Variants in HTR4 observed in about 807,000 individuals in gnomAD.
The protein encoded by HTR4 is 5-hydroxytryptamine receptor 4.
A neutral mutation model predicts 36.8 loss-of-function variants in HTR4; 16 were observed. The observed-to-expected ratio is 0.43, with a 90% CI of 0.29 to 0.66. HTR4 has a LOEUF of 0.66. Among genes scored for constraint, HTR4 ranks in the 30% least tolerant of loss-of-function variants. The pLI is 0.13. For synonymous variants in HTR4, 189 were observed against 185.1 expected (o/e 1.02, Z -0.17); for missense variants, 438 against 490.9 (o/e 0.89, Z 1.02).
At chr5:148,565,669 C>T (rs1343737411) in intron 2 of HTR4, among the ~76,000 whole-genome samples, 3 of 152,140 alleles carry the variant, frequency 2.0e-5, no homozygotes, top group East Asian at 1.9e-4. Context: ...CACCTACACG[C>T]CCTGCCATGC....
intron 4 of HTR4, 97 bp from the exon 5 acceptor site, chr5:148,523,443 G>C: frequency 3.1e-6 from 3 of 963,936 alleles, no homozygotes; most frequent in Non-Finnish European, 4.4e-6. Context: ...GAGGAAGAGG[G>C]GATGGAGCAA....
intron 1 of HTR4, among the ~76,000 whole-genome samples, chr5:148,641,632 T>C (rs1278360411): frequency 2.6e-5 from 4 of 152,210 alleles, no homozygotes; most frequent in Non-Finnish European, 5.9e-5. Flanking sequence ...TCAGATTCCC[T>C]TGAGCTTCTT....
At chr5:148,479,700 TAACTAAC>T (rs1755814281), downstream of HTR4, among the ~76,000 whole-genome samples, 4 of 152,144 alleles carry the variant, frequency 2.6e-5, no homozygotes, top group South Asian at 8.3e-4. Flanking sequence ...ATCATAGCTA[TAACTAAC>T]AATCTCATAA....
In HTR4 at chr5:148,616,566, C is replaced by T. The variant is rs577411125; in HGVS notation, c.26+20423G>A. Among the ~76,000 whole-genome samples the T allele has an allele frequency of 1.2e-4, 19 of 152,270 alleles. No individual in the cohort carries two copies. In the South Asian group the frequency reaches 3.5e-3, roughly 28 times the overall value. The stretch of plus-strand genomic sequence containing the variant: ...TGCTGTGATAATATAATATTATTGA[C>T]TCTAAGAAGTCTGCTTTATTTTGTT... On this transcript the variant is annotated intron_variant, in intron 2 of 6. Transcript: ENST00000377888.
intron 2 of HTR4, among the ~76,000 whole-genome samples, chr5:148,598,295 A>C (rs1761857380): frequency 6.6e-6 from 1 of 152,202 alleles, no homozygotes; most frequent in Non-Finnish European, 1.5e-5. Context: ...CTGTAATCAC[A>C]GTACTTCAGG....
chr5:148,455,618 T>A (rs928695819), intron 5 of HTR4, among the ~76,000 whole-genome samples: 9 of 152,072 alleles, frequency 5.9e-5, no homozygotes, highest in Middle Eastern at 3.2e-3. Context: ...GATGGGCACG[T>A]TTTCCAGTTA....
At chr5:148,523,992 C>T (rs112127510) in intron 4 of HTR4, among the ~76,000 whole-genome samples, 22 of 144,246 alleles carry the variant, frequency 1.5e-4, no homozygotes, top group African/African-American at 4.6e-4. Flanking sequence ...GCTCTAAGTC[C>T]GTGTTTTTTT....
At chr5:148,640,378 C>A (rs529390347) in intron 1 of HTR4, among the ~76,000 whole-genome samples, 1 of 152,294 alleles carries the variant, frequency 6.6e-6, no homozygotes, top group South Asian at 2.1e-4. Context: ...TTCCTGGCAA[C>A]AAGAATCCCT....
intron 4 of HTR4, among the ~76,000 whole-genome samples, chr5:148,524,392 G>A (rs528901031): frequency 1.3e-5 from 2 of 152,276 alleles, no homozygotes; most frequent in African/African-American, 4.8e-5. Flanking sequence ...TCTACTGGAT[G>A]AGACCACCCC....
intron 2 of HTR4, among the ~76,000 whole-genome samples, chr5:148,573,093 C>T (rs558112656): frequency 2.0e-5 from 3 of 152,174 alleles, no homozygotes; most frequent in African/African-American, 7.2e-5. Context: ...AATCTCTGAA[C>T]ACTGTCATGC....
chr5:148,632,172 C>T (rs144582657), intron 2 of HTR4, among the ~76,000 whole-genome samples: 45 of 152,100 alleles, frequency 3.0e-4, no homozygotes, highest in Admixed American at 7.2e-4. Context: ...CAAGACGAAG[C>T]GATTAAAAGG....
intron 6 of HTR4, chr5:148,490,597 C>T: frequency 8.6e-7 from 1 of 1,164,006 alleles, no homozygotes; most frequent in Non-Finnish European, 1.1e-6. Flanking sequence ...TCAATCTACT[C>T]ACCTCTTCCC....
chr5:148,557,769 A>T (rs1760020720), intron 2 of HTR4, among the ~76,000 whole-genome samples: 1 of 148,156 alleles, frequency 6.7e-6, no homozygotes, highest in Non-Finnish European at 1.5e-5. Flanking sequence ...CATATATATA[A>T]TATATTATAT....
At position 148,481,582 on chromosome 5, in the gene HTR4, T is replaced by C; in HGVS notation, c.*1621A>G. 6.6e-7 allele frequency: 1 copy of C among 1,523,588 alleles called. No individual in the cohort carries two copies. The highest frequency in any genetic ancestry group is 8.7e-7 in the Non-Finnish European group (1 of 1,143,866). The allele number at this position is 1,523,588 out of a possible 1,614,324, so 94.4% of individuals were successfully genotyped here. A position where few individuals can be genotyped will look rare whatever the true frequency, so the allele number is the denominator to read the frequency against. ...TGGCATTTGGATGGTTTGGTCAATC[T>C]TCTCTTCCTTATTCCAAAGTTTCTT... On this transcript the variant is annotated 3_prime_UTR_variant, in exon 7 of 7. Coordinates refer to ENST00000377888, the MANE Select transcript of HTR4 (RefSeq NM_000870.7).
chr5:148,643,366 A>G (rs1753783998), intron 1 of HTR4, among the ~76,000 whole-genome samples: 1 of 152,170 alleles, frequency 6.6e-6, no homozygotes. Flanking sequence ...GGGGTAACAT[A>G]CACTTCCATT....
intron 2 of HTR4, among the ~76,000 whole-genome samples, chr5:148,624,694 T>C (rs1459851661): frequency 1.3e-5 from 2 of 152,184 alleles, no homozygotes; most frequent in Non-Finnish European, 1.5e-5. Context: ...TAGCCTCAGA[T>C]TCCAGGCTGC....
At chr5:148,584,804 T>C (rs2127251307) in intron 2 of HTR4, among the ~76,000 whole-genome samples, 1 of 152,242 alleles carries the variant, frequency 6.6e-6, no homozygotes, top group East Asian at 1.9e-4. Context: ...TGAATAAAGA[T>C]TGCTGGCATC....
At chr5:148,525,799 A>G (rs1191057241) in intron 4 of HTR4, among the ~76,000 whole-genome samples, 1 of 152,150 alleles carries the variant, frequency 6.6e-6, no homozygotes, top group Non-Finnish European at 1.5e-5. Flanking sequence ...TGAATTCCCA[A>G]CTCTCAGTAA....
chr5:148,567,672 T>C (rs771988487), intron 2 of HTR4, among the ~76,000 whole-genome samples: 5 of 152,134 alleles, frequency 3.3e-5, no homozygotes, highest in Admixed American at 6.6e-5. Context: ...GCGCCTGTTG[T>C]GTTTTCTTCC....
Sources: allele counts gnomAD v4.1 joint callset (sites outside exome capture counted in the v4.1 genomes callset), GRCh38; gene constraint gnomAD v4.1.1; transcripts MANE v1.5; gene names NCBI Gene and HGNC (gene_info 2026-07-23, HGNC 2026-07-21).